The following DGLUCY variants were observed in gnomAD, a reference collection of about 807,000 sequenced individuals.
The protein encoded by DGLUCY is D-glutamate cyclase, mitochondrial.
A neutral mutation model predicts 58.5 loss-of-function variants in DGLUCY; 58 were observed. The ratio of observed to expected loss-of-function variants is 0.99; its 90% CI spans 0.80 to 1.23. The LOEUF (loss-of-function observed/expected upper bound fraction) is 1.23. Among genes scored for constraint, DGLUCY ranks in the 50% most tolerant of loss-of-function variants. The pLI, the probability that DGLUCY is intolerant of heterozygous loss-of-function variation, is 0.00. For synonymous variants in DGLUCY, 325 were observed against 314.1 expected, an observed-to-expected ratio of 1.03 and a Z score of -0.37; for missense variants, 779 against 784.7, an observed-to-expected ratio of 0.99 and a Z score of 0.09.
chr14:91,114,027 G>T (rs2044759264), upstream of DGLUCY: 1 of 152,342 alleles, frequency 6.6e-6, no homozygotes, highest in African/African-American at 2.4e-5. Context: ...ACTGGGGCGG[G>T]CTAGCTGCCG....
At chr14:91,112,355 A>T (rs1490793989), upstream of DGLUCY, among the ~76,000 whole-genome samples, 1 of 152,122 alleles carries the variant, frequency 6.6e-6, no homozygotes, top group Non-Finnish European at 1.5e-5. Flanking sequence ...ATTCTATTTC[A>T]TTCTCTGGAA....
intron 1 of DGLUCY, among the ~76,000 whole-genome samples, chr14:91,156,877 G>A (rs777420644): frequency 1.3e-5 from 2 of 152,240 alleles, no homozygotes; most frequent in African/African-American, 2.4e-5. Flanking sequence ...TCAGGATTCA[G>A]TCCCTAAAAG....
rs372156771 is a variant in DGLUCY at position 91,091,968 on chromosome 14, C to T, written c.-82+31264C>T. On this transcript the variant is annotated intron_variant, in intron 1 of 4. Coordinates refer to the DGLUCY transcript ENST00000521334. ...GCTCTGTCCTCTGATGTCCTACTCA[C>T]GGAAATTGACCATGTCTTCCAAATC... is the stretch of plus-strand genomic sequence containing the variant. Among the ~76,000 whole-genome samples the T allele has an allele frequency of 1.3e-3, 199 of 152,276 alleles. 1 individual carries two copies. The highest frequency in any genetic ancestry group is 3.8e-3 in the African/African-American group (158 of 41,556).
intron 1 of DGLUCY, among the ~76,000 whole-genome samples, chr14:91,086,406 A>G (rs1447203320): frequency 6.6e-6 from 1 of 152,142 alleles, no homozygotes. Context: ...GCCTTACAAG[A>G]TATGGTGTAG....
upstream of DGLUCY, among the ~76,000 whole-genome samples, chr14:91,112,480 G>A (rs771696508): frequency 2.6e-5 from 4 of 152,164 alleles, no homozygotes; most frequent in African/African-American, 7.2e-5. Context: ...TTCGCAGAGC[G>A]TTGCCTGAGG....
At chr14:91,159,350 G>A (rs1014146338) in intron 2 of DGLUCY, among the ~76,000 whole-genome samples, 2 of 152,082 alleles carry the variant, frequency 1.3e-5, no homozygotes, top group Non-Finnish European at 2.9e-5. Context: ...AGGTGGCTGA[G>A]GCATGAGAAT....
chr14:91,129,618 G>A (rs1168220000), intron 1 of DGLUCY, among the ~76,000 whole-genome samples: 4 of 150,944 alleles, frequency 2.6e-5, no homozygotes, highest in Non-Finnish European at 4.4e-5. Flanking sequence ...ATATTGCTGT[G>A]ACTTTTATTC....
At chr14:91,207,226 C>A (rs1286228047) in intron 12 of DGLUCY, among the ~76,000 whole-genome samples, 1 of 149,172 alleles carries the variant, frequency 6.7e-6, no homozygotes, top group African/African-American at 2.5e-5. Flanking sequence ...TGCAGAATGC[C>A]TTTGATGGGC....
At chr14:91,060,333 AGTCCGCAGCTC>A in exon 1 of DGLUCY, 1 of 1,378,300 alleles carries the variant, frequency 7.3e-7, no homozygotes, top group Non-Finnish European at 9.5e-7. Flanking sequence ...GTCGCTCACC[AGTCCGCAGCTC>A]GTGCTTGACA....
chr14:91,191,515 C>T (rs561196798), intron 9 of DGLUCY, among the ~76,000 whole-genome samples: 92 of 152,262 alleles, frequency 6.0e-4, no homozygotes, highest in Non-Finnish European at 1.0e-3. Context: ...GTGGAACTGA[C>T]GCCCCACTCC....
chr14:91,126,489 T>A, intron 1 of DGLUCY: 1 of 228,984 alleles, frequency 4.4e-6, no homozygotes, highest in Non-Finnish European at 9.2e-6. Context: ...CCAATAGGAA[T>A]CTGGGGTCAT....
intron 11 of DGLUCY, among the ~76,000 whole-genome samples, chr14:91,203,646 A>C (rs1395461453): frequency 6.7e-6 from 1 of 150,350 alleles, no homozygotes; most frequent in African/African-American, 2.4e-5. Context: ...CAAAGGGTAC[A>C]TGCTTCAGGG....
chr14:91,152,289 C>T (rs968581732), intron 1 of DGLUCY, among the ~76,000 whole-genome samples: 1 of 152,112 alleles, frequency 6.6e-6, no homozygotes, highest in Non-Finnish European at 1.5e-5. Context: ...CCAAGCTACT[C>T]AGGAGGCTTA....
chr14:91,204,205 G>A (rs2050741155), intron 11 of DGLUCY, among the ~76,000 whole-genome samples: 1 of 152,230 alleles, frequency 6.6e-6, no homozygotes, highest in Non-Finnish European at 1.5e-5. Context: ...CACACTTGGA[G>A]TGTGTATTCC....
exon 1 of DGLUCY, chr14:91,060,500 C>G (rs142744185): frequency 1.2e-5 from 15 of 1,266,506 alleles, no homozygotes; most frequent in Middle Eastern, 4.1e-4. Context: ...GGACGCCCGT[C>G]CCCTCGCAGC....
intron 1 of DGLUCY, among the ~76,000 whole-genome samples, chr14:91,094,774 G>T (rs1027893109): frequency 6.6e-6 from 1 of 151,238 alleles, no homozygotes; most frequent in African/African-American, 2.4e-5. Flanking sequence ...AGTGAGCCAA[G>T]ATCTCGCCAT....
intron 8 of DGLUCY, among the ~76,000 whole-genome samples, chr14:91,186,435 C>T (rs1485736183): frequency 6.6e-6 from 1 of 151,910 alleles, no homozygotes; most frequent in African/African-American, 2.4e-5. Flanking sequence ...TTATTAGAGA[C>T]GGGGTTTCAC....
intron 13 of DGLUCY, among the ~76,000 whole-genome samples, chr14:91,217,942 A>G (rs1010229156): frequency 2.6e-5 from 4 of 151,598 alleles, no homozygotes; most frequent in African/African-American, 9.7e-5. Context: ...TGTCATTCCC[A>G]TTTTACAGAC....
chr14:91,136,557 G>A (rs1395820212), intron 1 of DGLUCY, among the ~76,000 whole-genome samples: 1 of 151,852 alleles, frequency 6.6e-6, no homozygotes, highest in Non-Finnish European at 1.5e-5. Flanking sequence ...GGTGGTAGGA[G>A]CCTGTAATCC....
Sources: allele counts gnomAD v4.1 joint callset (sites outside exome capture counted in the v4.1 genomes callset), GRCh38; gene constraint gnomAD v4.1.1; transcripts MANE v1.5; gene names NCBI Gene and HGNC (gene_info 2026-07-23, HGNC 2026-07-21).